Variants in CACNB2 observed in about 807,000 individuals in gnomAD.
CACNB2 encodes the protein voltage-dependent L-type calcium channel subunit beta-2.
In CACNB2, 42 loss-of-function variants were observed where a neutral mutation model predicts 73.3. That is an observed-to-expected ratio of 0.57 (90% CI 0.45 to 0.74). The LOEUF (loss-of-function observed/expected upper bound fraction) is 0.74. Ranked by LOEUF, CACNB2 falls within the 30% of genes least tolerant of loss-of-function variation. The pLI is 0.00. For synonymous variants in CACNB2, 348 were observed against 310.3 expected (o/e 1.12, Z -1.28); for missense variants, 940 against 853.0 (o/e 1.10, Z -1.27).
chr10:18,220,581 T>C (rs1277780866), intron 2 of CACNB2, among the ~76,000 whole-genome samples: 1 of 151,914 alleles, frequency 6.6e-6, no homozygotes, highest in Admixed American at 6.6e-5. Context: ...TTTATTTCTT[T>C]AGACTAGAGC....
chr10:18,538,051 C>T, intron 12 of CACNB2, 129 bp from the exon 13 acceptor site: 1 of 854,398 alleles, frequency 1.2e-6, no homozygotes. Flanking sequence ...GAGATAGTAG[C>T]AGCACTTATA....
At chr10:18,365,597 C>T (rs1315608080) in intron 2 of CACNB2, among the ~76,000 whole-genome samples, 1 of 151,924 alleles carries the variant, frequency 6.6e-6, no homozygotes, top group Non-Finnish European at 1.5e-5. Context: ...AAATCCTGTC[C>T]TTGTACTACA....
At chr10:18,192,266 A>ATGTTCATTCATT (rs931105612) in intron 2 of CACNB2, among the ~76,000 whole-genome samples, 56 of 54,174 alleles carry the variant, frequency 1.0e-3, no homozygotes, top group South Asian at 7.8e-3. Flanking sequence ...CATCAGACTT[A>ATGTTCATTCATT]CGTTCATTCA....
intron 2 of CACNB2, among the ~76,000 whole-genome samples, chr10:18,366,646 C>T (rs919481147): frequency 1.1e-4 from 17 of 152,000 alleles, no homozygotes; most frequent in Admixed American, 3.9e-4. Flanking sequence ...GAGTTCAAGA[C>T]CAGCCTGGCC....
chr10:18,259,730 CAG>C (rs71402153), intron 2 of CACNB2, among the ~76,000 whole-genome samples: 63,925 of 111,680 alleles, frequency 0.57, 16,497 homozygotes, highest in East Asian at 0.72. Flanking sequence ...GACTCTGTCT[CAG>C]AAAAAAAAAA....
At chr10:18,358,541 T>G (rs1405840008) in intron 2 of CACNB2, among the ~76,000 whole-genome samples, 4 of 32,662 alleles carry the variant, frequency 1.2e-4, no homozygotes, top group Admixed American at 4.0e-4. Context: ...TCTCTCTCTC[T>G]CTCTCTCTCT....
At chr10:18,331,625 A>G (rs1381532641) in intron 2 of CACNB2, among the ~76,000 whole-genome samples, 3 of 152,090 alleles carry the variant, frequency 2.0e-5, no homozygotes, top group African/African-American at 7.2e-5. Context: ...TAACAGCTCC[A>G]GAACTGTTGG....
intron 2 of CACNB2, among the ~76,000 whole-genome samples, chr10:18,253,885 TC>T: frequency 6.6e-6 from 1 of 152,358 alleles, no homozygotes; most frequent in Middle Eastern, 3.4e-3. Flanking sequence ...GGTTTTTGTT[TC>T]CTGGCTCTTC....
At chr10:18,430,517 G>C (rs1444390433) in intron 3 of CACNB2, among the ~76,000 whole-genome samples, 1 of 152,012 alleles carries the variant, frequency 6.6e-6, no homozygotes, top group Non-Finnish European at 1.5e-5. Context: ...ATAGTTCCAG[G>C]TATGTGGGAG....
chr10:18,314,802 C>T (rs560479666), intron 2 of CACNB2, among the ~76,000 whole-genome samples: 1 of 152,296 alleles, frequency 6.6e-6, no homozygotes, highest in East Asian at 1.9e-4. Context: ...GTAGCAATAC[C>T]AGTGCACCTG....
chr10:18,436,966 C>T (rs2046165515), intron 3 of CACNB2, among the ~76,000 whole-genome samples: 1 of 152,144 alleles, frequency 6.6e-6, no homozygotes, highest in African/African-American at 2.4e-5. Flanking sequence ...TTATTTTGAA[C>T]AACAATGTGC....
intron 3 of CACNB2, among the ~76,000 whole-genome samples, chr10:18,483,764 T>C (rs1475261999): frequency 6.6e-6 from 1 of 152,206 alleles, no homozygotes; most frequent in Non-Finnish European, 1.5e-5. Context: ...CTGGTGTTTG[T>C]TTAGAATGCT....
intron 2 of CACNB2, among the ~76,000 whole-genome samples, chr10:18,280,367 T>C (rs1716822789): frequency 1.3e-5 from 2 of 152,200 alleles, no homozygotes; most frequent in Non-Finnish European, 2.9e-5. Flanking sequence ...TTGTAGATGA[T>C]GAAATTGAGG....
At chr10:18,330,241 T>C (rs2040747729) in intron 2 of CACNB2, among the ~76,000 whole-genome samples, 1 of 152,230 alleles carries the variant, frequency 6.6e-6, no homozygotes, top group Non-Finnish European at 1.5e-5. Context: ...ACAGACTTCA[T>C]ATACGTAATT....
At chr10:18,481,263 T>C (rs1161954248) in intron 3 of CACNB2, among the ~76,000 whole-genome samples, 1 of 101,618 alleles carries the variant, frequency 9.8e-6, no homozygotes, top group African/African-American at 3.8e-5. Flanking sequence ...TTTTTTTTTT[T>C]TGAGACAGAG....
rs75749097 is a variant in CACNB2 at position 18,454,791 on chromosome 10, T to G, written c.334-43564T>G. The stretch of plus-strand genomic sequence containing the variant: ...CTGTGGCTCACGCCTGCAATCTCAG[T>G]ATTTTGGGAGGCCAAGGCAGGAGAA... On this transcript the variant is annotated intron_variant, in intron 3 of 13. Transcript: ENST00000324631. Among the ~76,000 whole-genome samples the G allele has an allele frequency of 4.4e-3, 665 of 152,256 alleles. 7 individuals carry two copies. The highest frequency in any genetic ancestry group is 0.015 in the African/African-American group (638 of 41,562).
intron 2 of CACNB2, among the ~76,000 whole-genome samples, chr10:18,327,519 G>A (rs915163282): frequency 1.3e-5 from 2 of 152,120 alleles, no homozygotes; most frequent in African/African-American, 4.8e-5. Context: ...CCACCTGCTG[G>A]ACTCAAGCGA....
chr10:18,311,610 A>C (rs989997679), intron 2 of CACNB2, among the ~76,000 whole-genome samples: 1 of 152,222 alleles, frequency 6.6e-6, no homozygotes, highest in Admixed American at 6.5e-5. Context: ...AAAAAATTAT[A>C]AGTAAAAAAA....
chr10:18,341,011 C>T (rs191227810), intron 2 of CACNB2: 264 of 1,606,892 alleles, frequency 1.6e-4, no homozygotes, highest in Non-Finnish European at 2.0e-4. Flanking sequence ...GCCAGATGCA[C>T]GGTGCGGTTT....
Sources: gnomAD v4.1 joint callset for allele counts (sites outside exome capture counted in the v4.1 genomes callset) on GRCh38, gnomAD v4.1.1 for gene constraint, MANE v1.5 for transcripts, NCBI Gene and HGNC (gene_info 2026-07-23, HGNC 2026-07-21) for gene names.